The following CELF2 variants were observed in gnomAD, a reference collection of about 807,000 sequenced individuals.
CELF2 encodes CUGBP Elav-like family member 2, also known as CUG triplet repeat RNA-binding protein 2.
CELF2 carries 8 observed loss-of-function variants against 62.6 expected under a neutral mutation model. That is an observed-to-expected ratio of 0.13 (90% CI 0.07 to 0.23). The LOEUF is 0.23. CELF2 is among the 10% of genes least tolerant of loss of function. The pLI, the probability that CELF2 is intolerant of heterozygous loss-of-function variation, is 1.00. For missense variants in CELF2, 333 were observed against 671.0 expected (o/e 0.50, Z 5.56); for synonymous variants, 258 against 250.0 (o/e 1.03, Z -0.30).
the CELF2 span, among the ~76,000 whole-genome samples, chr10:10,762,923 A>C: frequency 1.3e-5 from 2 of 152,220 alleles, no homozygotes; most frequent in Non-Finnish European, 2.9e-5. Context: ...TGGGTGACAG[A>C]GCAAGACTCT....
Position 11,145,331 on chromosome 10 carries a change from G to C in CELF2, c.75-20155G>C, listed in dbSNP as rs998906821. ...TGTTGAAAGAGCTGGCTGAGCTTCA[G>C]ATGGGTTTGCAGGAGTGTCAGGATT... is the stretch of plus-strand genomic sequence containing the variant. On this transcript the variant is annotated intron_variant, in intron 1 of 12. Coordinates refer to ENST00000633077, the MANE Select transcript of CELF2 (RefSeq NM_001326342.2). This position sits in a 1 kb window ranked among gnomAD's most constrained non-coding sequence, Gnocchi z 4.3. Among the ~76,000 whole-genome samples the C allele has an allele frequency of 6.6e-6, 1 of 152,222 alleles. No homozygotes were observed. The highest frequency in any genetic ancestry group is 1.5e-5 in the Non-Finnish European group (1 of 68,040).
At chr10:10,670,127 C>T in the CELF2 span, among the ~76,000 whole-genome samples, 3 of 152,130 alleles carry the variant, frequency 2.0e-5, no homozygotes, top group Admixed American at 6.5e-5. Flanking sequence ...GTCTCAAACT[C>T]CTGACCTCAG....
chr10:10,639,724 C>A, the CELF2 span, among the ~76,000 whole-genome samples: 1 of 151,914 alleles, frequency 6.6e-6, no homozygotes, highest in African/African-American at 2.4e-5. Context: ...AGATAATTAC[C>A]AAATTTTAAA....
At chr10:10,649,078 C>T in the CELF2 span, among the ~76,000 whole-genome samples, 1 of 152,140 alleles carries the variant, frequency 6.6e-6, no homozygotes, top group Non-Finnish European at 1.5e-5. Context: ...CCCATCTATC[C>T]CCTTTTGAAA....
At chr10:11,094,292 T>C (rs965882429) in intron 1 of CELF2, among the ~76,000 whole-genome samples, 39 of 152,228 alleles carry the variant, frequency 2.6e-4, no homozygotes, top group African/African-American at 8.9e-4. Flanking sequence ...TTTTCTAAAA[T>C]GCCATCATTT....
the CELF2 span, among the ~76,000 whole-genome samples, chr10:10,552,539 T>C: frequency 6.6e-6 from 1 of 152,164 alleles, no homozygotes; most frequent in Non-Finnish European, 1.5e-5. Context: ...CCAGGAAGGA[T>C]AAAAAAGCTA....
chr10:10,539,014 G>A, the CELF2 span, among the ~76,000 whole-genome samples: 11,144 of 152,270 alleles, frequency 0.073, 537 homozygotes, highest in Middle Eastern at 0.12. Context: ...CTTCTTAGTC[G>A]TCAGATGGCT....
At chr10:10,963,220 A>G (rs2049744231) in intron 2 of CELF2, among the ~76,000 whole-genome samples, 1 of 151,774 alleles carries the variant, frequency 6.6e-6, no homozygotes, top group Non-Finnish European at 1.5e-5. Context: ...CGTTCAGCTA[A>G]TTTTTGTATT....
At chr10:10,824,009 G>A (rs187959158) in intron 1 of CELF2, among the ~76,000 whole-genome samples, 49 of 152,168 alleles carry the variant, frequency 3.2e-4, no homozygotes, top group Non-Finnish European at 4.6e-4. Flanking sequence ...TAGATACATA[G>A]ATAAATAGAT....
rs1040986935 is a variant in CELF2, at chr10:11,311,193, G to A, written c.977-2946G>A. On this transcript the variant is annotated intron_variant, in intron 9 of 12. Coordinates refer to ENST00000633077, the MANE Select transcript of CELF2 (RefSeq NM_001326342.2). This position sits in a 1 kb window ranked among gnomAD's most constrained non-coding sequence, Gnocchi z 4.7. ...TGACTATCTCAAAACATAGTGCTGG[G>A]TAGGGCCAGGGGAATTTCCCTCTGA... 1.3e-5 allele frequency among the ~76,000 whole-genome samples: 2 copies of A among 152,178 alleles called. No individual in the cohort carries two copies. Among genetic ancestry groups the A allele is most frequent in the African/African-American group, 4.8e-5 (2 of 41,426 alleles).
the CELF2 span, among the ~76,000 whole-genome samples, chr10:10,512,771 C>G: frequency 6.6e-6 from 1 of 152,138 alleles, no homozygotes; most frequent in Admixed American, 6.6e-5. Flanking sequence ...TTGGTCAGTT[C>G]CTCCCCTCCT....
chr10:10,653,415 A>T, the CELF2 span, among the ~76,000 whole-genome samples: 183 of 147,734 alleles, frequency 1.2e-3, no homozygotes, highest in Non-Finnish European at 2.3e-3. Context: ...AGAATATACA[A>T]TTTTTTCAGC....
chr10:10,925,267 C>T (rs1008368261), intron 2 of CELF2: 2 of 152,176 alleles, frequency 1.3e-5, no homozygotes, highest in Non-Finnish European at 1.5e-5. Context: ...GATGGATGGA[C>T]ACTTCCTGTC....
chr10:10,479,336 T>C, the CELF2 span, among the ~76,000 whole-genome samples: 2 of 152,114 alleles, frequency 1.3e-5, no homozygotes, highest in East Asian at 3.9e-4. Flanking sequence ...GCCCGGATAA[T>C]TTTTGTATTT....
At chr10:11,193,181 C>T (rs1046699124) in intron 2 of CELF2, among the ~76,000 whole-genome samples, 2 of 152,188 alleles carry the variant, frequency 1.3e-5, no homozygotes, top group African/African-American at 4.8e-5. Flanking sequence ...CATAGTCCTT[C>T]CTTTGGAGAG....
At chr10:10,691,637 T>C in the CELF2 span, among the ~76,000 whole-genome samples, 1 of 151,178 alleles carries the variant, frequency 6.6e-6, no homozygotes, top group South Asian at 2.1e-4. Flanking sequence ...TGTAAAAGTG[T>C]TCCTATTTCT....
At chr10:10,586,085 A>G in the CELF2 span, among the ~76,000 whole-genome samples, 46 of 152,328 alleles carry the variant, frequency 3.0e-4, 1 homozygote, top group East Asian at 8.5e-3. Flanking sequence ...CTAATAAAAT[A>G]AGGCATGCTT....
chr10:11,167,011 G>A (rs769347887), intron 2 of CELF2, among the ~76,000 whole-genome samples: 3 of 152,336 alleles, frequency 2.0e-5, no homozygotes, highest in Non-Finnish European at 2.9e-5. Context: ...TTTTCCAAAC[G>A]TAGTAGCAAG....
chr10:10,740,800 GA>G, the CELF2 span, among the ~76,000 whole-genome samples: 1 of 152,188 alleles, frequency 6.6e-6, no homozygotes, highest in Non-Finnish European at 1.5e-5. Context: ...GAAACTGGAA[GA>G]CATTATGCTA....
Sources: allele counts gnomAD v4.1 joint callset (sites outside exome capture counted in the v4.1 genomes callset), GRCh38; gene constraint gnomAD v4.1.1; non-coding constraint Gnocchi (gnomAD v3.1); transcripts MANE v1.5; gene names NCBI Gene and HGNC (gene_info 2026-07-23, HGNC 2026-07-21).